CPLANE1: variants seen among roughly 807,000 people sequenced by gnomAD.
CPLANE1 encodes ciliogenesis and planar polarity effector 1.
Under a neutral mutation model 362.5 loss-of-function variants are expected in CPLANE1, and 263 were observed. The observed-to-expected ratio is 0.73, with a 90% CI of 0.66 to 0.80. CPLANE1 has a LOEUF of 0.80. Among genes scored for constraint, CPLANE1 ranks in the 30% least tolerant of loss-of-function variants. The pLI, the probability that CPLANE1 is intolerant of heterozygous loss-of-function variation, is 0.00. For synonymous variants in CPLANE1, 1,212 were observed against 1,302.6 expected, an observed-to-expected ratio of 0.93 and a Z score of 1.50; for missense variants, 3,461 against 3,793.4, an observed-to-expected ratio of 0.91 and a Z score of 2.30.
At chr5:37,160,736 A>G (rs989081018) in intron 38 of CPLANE1, among the ~76,000 whole-genome samples, 1 of 150,630 alleles carries the variant, frequency 6.6e-6, no homozygotes, top group East Asian at 2.0e-4. Context: ...CAGTGGCACA[A>G]TCTCGGCTCA....
At chr5:37,076,500 C>G in the CPLANE1 span, among the ~76,000 whole-genome samples, 1 of 151,824 alleles carries the variant, frequency 6.6e-6, no homozygotes, top group East Asian at 1.9e-4. Flanking sequence ...TTGGTAGAGA[C>G]AGGGTTTCAC....
the CPLANE1 span, among the ~76,000 whole-genome samples, chr5:37,086,661 C>T: frequency 6.6e-6 from 1 of 152,102 alleles, no homozygotes; most frequent in Non-Finnish European, 1.5e-5. Context: ...AGGTTGATTA[C>T]CCTCTAATGG....
chr5:37,210,707 G>A, intron 16 of CPLANE1: 1 of 1,578,210 alleles, frequency 6.3e-7, no homozygotes, highest in Non-Finnish European at 8.7e-7. Context: ...TGGAGCTTCT[G>A]GCACAAAATA....
intron 49 of CPLANE1, among the ~76,000 whole-genome samples, chr5:37,120,572 C>T (rs1253690551): frequency 2.0e-5 from 3 of 152,092 alleles, no homozygotes; most frequent in Non-Finnish European, 4.4e-5. Flanking sequence ...AGAGCAAGAC[C>T]CTGTTACTTT....
In CPLANE1 at chr5:37,157,687, T is replaced by C; in HGVS notation, c.7994A>G (p.His2665Arg). 6.2e-7 allele frequency: 1 copy of C among 1,613,076 alleles called. No homozygotes were observed. Among genetic ancestry groups the C allele is most frequent in the Non-Finnish European group, 8.5e-7 (1 of 1,179,664 alleles). Residue 2665 changes from histidine (H) to arginine (R), a missense_variant, in exon 40 of 53, where the codon CAT becomes CGT. His to Arg is a conservative substitution (Grantham distance 29, BLOSUM62 0). Transcript: ENST00000651892. ...AAAATTACCTTGACTCTTAAAATTA[T>C]GTGGGGGAACAGCATTAGTAACTGA... The part of the protein sequence containing the change: ...AASVTNAVPP[H>R]NFKSQEVTPA...
intron 8 of CPLANE1, among the ~76,000 whole-genome samples, chr5:37,234,394 A>G (rs1030614237): frequency 5.3e-5 from 8 of 151,688 alleles, no homozygotes; most frequent in Non-Finnish European, 1.5e-5. Flanking sequence ...AAAAAAAAAA[A>G]AGAAATTCTG....
intron 8 of CPLANE1, among the ~76,000 whole-genome samples, chr5:37,232,753 T>G (rs1471840646): frequency 6.9e-6 from 1 of 144,032 alleles, no homozygotes; most frequent in Non-Finnish European, 1.5e-5. Flanking sequence ...GGCAGGGGGA[T>G]AGCTTGAGCC....
In CPLANE1 at chr5:37,230,965, C is replaced by A; in HGVS notation, c.1023G>T (p.Leu341Phe). ...CMLKRGSLVL[L>F]TCQGELLTLI... is the part of the protein sequence containing the mutation. ...ATGTTAGCAATTCACCTTGGCAGGT[C>A]AATAAAACCAGAGAGCCACGTTTTA... The change falls in exon 9 of 53, where the codon TTG becomes TTT. Residue 341 changes from leucine to phenylalanine, a missense_variant. Transcript: ENST00000651892. 6.4e-7 allele frequency: 1 copy of A among 1,550,708 alleles called. No individual in the cohort carries two copies. The highest frequency in any genetic ancestry group is 8.7e-7 in the Non-Finnish European group (1 of 1,146,496).
chr5:37,150,065 T>C (rs1469066529), intron 42 of CPLANE1, among the ~76,000 whole-genome samples: 6 of 152,134 alleles, frequency 3.9e-5, no homozygotes, highest in African/African-American at 7.2e-5. Context: ...CTTTTCAAAA[T>C]GCCAAGTCAC....
chr5:37,245,950 A>G, intron 2 of CPLANE1, 105 bp from the exon 3 acceptor site: 1 of 1,114,574 alleles, frequency 9.0e-7, no homozygotes, highest in Non-Finnish European at 1.2e-6. Flanking sequence ...AAGAAAGATT[A>G]TCCATTTGTA....
chr5:37,115,100 T>C (rs745750249), intron 50 of CPLANE1, 51 bp from the exon 51 acceptor site: 78 of 1,170,304 alleles, frequency 6.7e-5, no homozygotes, highest in Non-Finnish European at 9.4e-5. Flanking sequence ...CCATGATTTT[T>C]ATATATATTG....
the CPLANE1 span, chr5:37,085,205 C>G: frequency 1.2e-6 from 1 of 844,348 alleles, no homozygotes; most frequent in Non-Finnish European, 2.1e-6. Flanking sequence ...TCCTAAGGAA[C>G]AGACTTAAGT....
chr5:37,094,015 G>A, the CPLANE1 span, among the ~76,000 whole-genome samples: 11 of 45,064 alleles, frequency 2.4e-4, no homozygotes, highest in African/African-American at 1.5e-3. Context: ...GGGGTGGAGC[G>A]CTGGCAGTGG....
At chr5:37,217,106 G>A (rs1415105647) in intron 15 of CPLANE1, among the ~76,000 whole-genome samples, 8 of 152,124 alleles carry the variant, frequency 5.3e-5, no homozygotes, top group East Asian at 3.9e-4. Context: ...CTTCACATTC[G>A]AGTTAGAGAT....
At chr5:37,124,513 T>C (rs1209037482) in intron 47 of CPLANE1, among the ~76,000 whole-genome samples, 1 of 152,166 alleles carries the variant, frequency 6.6e-6, no homozygotes, top group Non-Finnish European at 1.5e-5. Context: ...TCTTTGTAGG[T>C]AACTTATGAA....
chr5:37,179,537 T>C, intron 28 of CPLANE1, 94 bp from the exon 29 acceptor site: 1 of 765,542 alleles, frequency 1.3e-6, no homozygotes, highest in Non-Finnish European at 2.2e-6. Context: ...AGAAACAATA[T>C]AATGACAGAA....
Position 37,178,668 on chromosome 5 carries a change from C to T in CPLANE1, c.5820+693G>A, listed in dbSNP as rs529624946. ...TACAATAATTGGAAATGTCTATGTT[C>T]CCCCTGGAAATTCAGTGTATAGAGT... On this transcript the variant is annotated intron_variant, in intron 29 of 52. Transcript: ENST00000651892. 1.6e-4 allele frequency among the ~76,000 whole-genome samples: 24 copies of T among 151,566 alleles called. No individual in the cohort carries two copies. In the East Asian group the frequency reaches 4.4e-3, roughly 28 times the overall value.
intron 4 of CPLANE1, among the ~76,000 whole-genome samples, chr5:37,245,044 C>G (rs1023348928): frequency 6.6e-6 from 1 of 151,360 alleles, no homozygotes; most frequent in Non-Finnish European, 1.5e-5. Flanking sequence ...CCCAGCTACT[C>G]GGGAGGCTGA....
In CPLANE1 at chr5:37,186,352, C is replaced by T. The variant is rs546036802; in HGVS notation, c.4123G>A (p.Val1375Met). 2.6e-5 allele frequency: 41 copies of T among 1,606,378 alleles called. No homozygotes were observed. Among genetic ancestry groups the T allele is most frequent in the Non-Finnish European group, 3.3e-5 (39 of 1,173,474 alleles). ...FVKAFPYPED[V>M]RVPLRDKYHS... ...TATTTGTCTCTTAAAGGAACCCTCACGTCCTCAGGATAGGGAAATGCTTTC... is the reference window on the plus strand; with the variant it reads ...TATTTGTCTCTTAAAGGAACCCTCATGTCCTCAGGATAGGGAAATGCTTTC... The change falls in exon 24 of 53, where the codon GTG becomes ATG. Residue 1375 changes from valine to methionine, a missense_variant. Physicochemically the swap from Val to Met is conservative, Grantham distance 21 (BLOSUM62 1). Around this residue, in one of 2 missense-constraint regions of CPLANE1, gnomAD observed 3,380 missense variants for 3,666.1 expected, o/e 0.92. Transcript: ENST00000651892.
Sources: allele counts gnomAD v4.1 joint callset (sites outside exome capture counted in the v4.1 genomes callset), GRCh38; gene constraint gnomAD v4.1.1; regional missense constraint gnomAD v4.1.1; transcripts MANE v1.5; gene names NCBI Gene and HGNC (gene_info 2026-07-23, HGNC 2026-07-21).